FUT9: variants seen among roughly 807,000 people sequenced by gnomAD.
FUT9 encodes fucosyltransferase 9.
FUT9 carries 15 observed loss-of-function variants against 29.7 expected under a neutral mutation model. The observed-to-expected ratio is 0.51, with a 90% CI of 0.34 to 0.78. FUT9 has a LOEUF of 0.78. Ranked by LOEUF, FUT9 falls within the 30% of genes least tolerant of loss-of-function variation. The pLI, the probability that FUT9 is intolerant of heterozygous loss-of-function variation, is 0.01. For synonymous variants in FUT9, 169 were observed against 153.7 expected (o/e 1.10, Z -0.74); for missense variants, 319 against 425.4 (o/e 0.75, Z 2.20).
chr6:96,167,876 C>T (rs1773042243), intron 2 of FUT9, among the ~76,000 whole-genome samples: 1 of 151,996 alleles, frequency 6.6e-6, no homozygotes, highest in South Asian at 2.1e-4. Flanking sequence ...GCCACTGTGG[C>T]CATAAACGAG....
chr6:96,028,842 T>A (rs1337790314), intron 1 of FUT9, among the ~76,000 whole-genome samples: 1 of 151,580 alleles, frequency 6.6e-6, no homozygotes, highest in Admixed American at 6.6e-5. Flanking sequence ...TATGAAGTAA[T>A]CACTTAGAAA....
intron 2 of FUT9, among the ~76,000 whole-genome samples, chr6:96,154,023 CA>C (rs1204294652): frequency 2.6e-5 from 4 of 152,116 alleles, no homozygotes; most frequent in Non-Finnish European, 5.9e-5. Context: ...CTCATTTTAG[CA>C]GTAGTTTTCA....
At chr6:96,122,034 C>T (rs778899958) in intron 2 of FUT9, among the ~76,000 whole-genome samples, 9 of 151,840 alleles carry the variant, frequency 5.9e-5, no homozygotes, top group Non-Finnish European at 1.0e-4. Context: ...GCTGGGTAGC[C>T]AAGAGAATTT....
intron 1 of FUT9, among the ~76,000 whole-genome samples, chr6:96,112,067 T>C (rs1306934158): frequency 6.6e-6 from 1 of 152,202 alleles, no homozygotes; most frequent in Non-Finnish European, 1.5e-5. Flanking sequence ...TGAAAGTAGA[T>C]AGTTAAGCAG....
chr6:96,138,810 A>G (rs933255361), intron 2 of FUT9, among the ~76,000 whole-genome samples: 11 of 152,132 alleles, frequency 7.2e-5, no homozygotes, highest in African/African-American at 2.7e-4. Flanking sequence ...TTTCTGCAGC[A>G]TGTGTTATTT....
At chr6:96,088,633 C>T (rs1360286710) in intron 1 of FUT9, among the ~76,000 whole-genome samples, 7 of 151,864 alleles carry the variant, frequency 4.6e-5, no homozygotes, top group Non-Finnish European at 8.8e-5. Flanking sequence ...ACTAGTCTGT[C>T]TCTGCAGGGT....
Position 96,203,743 on chromosome 6 carries a change from G to T in FUT9, c.588G>T (p.Trp196Cys). 1 of 1,614,008 alleles carries T rather than the reference G, an allele frequency of 6.2e-7. No homozygotes were observed. The highest frequency in any genetic ancestry group is 8.5e-7 in the Non-Finnish European group (1 of 1,180,004). The change falls in exon 3 of 3, where the codon TGG (tryptophan) becomes TGT (cysteine). Residue 196 changes from tryptophan to cysteine, a missense_variant. By Grantham distance (215) the Trp-to-Cys change is radical. Transcript: ENST00000302103. ...EKLVCWVVSNWNPEHARVKYY... is the reference protein window; with the variant it reads ...EKLVCWVVSNCNPEHARVKYY... ...TGGTGTGCTGGGTTGTGAGTAACTG[G>T]AACCCTGAGCATGCCAGAGTCAAGT...
intron 2 of FUT9, among the ~76,000 whole-genome samples, chr6:96,181,161 A>G (rs919854046): frequency 1.3e-5 from 2 of 152,082 alleles, no homozygotes; most frequent in Non-Finnish European, 2.9e-5. Context: ...ATCGTATACA[A>G]TAAACATTAA....
intron 2 of FUT9, among the ~76,000 whole-genome samples, chr6:96,166,297 A>G (rs1773015285): frequency 6.6e-6 from 1 of 152,350 alleles, no homozygotes; most frequent in South Asian, 2.1e-4. Flanking sequence ...CCTGAGAAGC[A>G]TAGTAATGTT....
chr6:96,170,546 T>TCA (rs5878420), intron 2 of FUT9, among the ~76,000 whole-genome samples: 3,904 of 148,754 alleles, frequency 0.026, 139 homozygotes, highest in African/African-American at 0.083. Flanking sequence ...AAAATCCCTT[T>TCA]CACACACACA....
At chr6:96,142,597 C>T (rs536049722) in intron 2 of FUT9, among the ~76,000 whole-genome samples, 2 of 152,196 alleles carry the variant, frequency 1.3e-5, no homozygotes, top group Non-Finnish European at 1.5e-5. Flanking sequence ...GCTGTCTCTT[C>T]ACTCTCTTTT....
rs990528725 is a variant in FUT9 at position 96,209,035 on chromosome 6, C to G, written c.*4800C>G. On this transcript the variant is annotated 3_prime_UTR_variant, in exon 3 of 3. Transcript: ENST00000302103. ...CCATATTCATATGCATTTTATAAAA[C>G]AGTTAACAGAATCTAAATAAGATAT... 1.2e-5 allele frequency: 2 copies of G among 166,582 alleles called. No homozygotes were observed. Among genetic ancestry groups the G allele is most frequent in the Non-Finnish European group, 1.5e-5 (1 of 67,946 alleles). 10.3% of individuals were successfully genotyped at this position (166,582 alleles called of 1,614,324 possible).
At chr6:96,031,470 TACTGGGATA>T (rs1285407549) in intron 1 of FUT9, among the ~76,000 whole-genome samples, 181 of 151,472 alleles carry the variant, frequency 1.2e-3, no homozygotes, top group Non-Finnish European at 1.8e-4. Context: ...AGTAAACATA[TACTGGGATA>T]ACTTACCTTT....
At chr6:96,035,847 T>A (rs189111768) in intron 1 of FUT9, among the ~76,000 whole-genome samples, 16 of 126,820 alleles carry the variant, frequency 1.3e-4, no homozygotes, top group South Asian at 4.5e-4. Flanking sequence ...TAATATAATA[T>A]ATTATGTTTA....
intron 1 of FUT9, among the ~76,000 whole-genome samples, chr6:96,037,759 A>G (rs1487500104): frequency 6.6e-6 from 1 of 152,156 alleles, no homozygotes; most frequent in African/African-American, 2.4e-5. Flanking sequence ...TATAAACAAT[A>G]TCATATTTTC....
At chr6:96,107,915 G>T (rs991878239) in intron 1 of FUT9, among the ~76,000 whole-genome samples, 1 of 150,776 alleles carries the variant, frequency 6.6e-6, no homozygotes, top group African/African-American at 2.4e-5. Context: ...ACCCTTGAAA[G>T]ATTTCAGATA....
chr6:96,184,768 T>C (rs1773374279), intron 2 of FUT9, among the ~76,000 whole-genome samples: 1 of 152,116 alleles, frequency 6.6e-6, no homozygotes, highest in African/African-American at 2.4e-5. Flanking sequence ...GTTTTGAAGG[T>C]TCCTTCTGGA....
chr6:96,182,815 C>A (rs560596153), intron 2 of FUT9, among the ~76,000 whole-genome samples: 2 of 152,126 alleles, frequency 1.3e-5, no homozygotes, highest in African/African-American at 4.8e-5. Flanking sequence ...ATTTTTAAAC[C>A]AGTACCAGGC....
intron 1 of FUT9, among the ~76,000 whole-genome samples, chr6:96,026,160 A>C (rs760364322): frequency 1.1e-4 from 16 of 151,704 alleles, no homozygotes; most frequent in Non-Finnish European, 2.1e-4. Context: ...AGATGTGCAA[A>C]ATGTGAAAGA....
Sources: gnomAD v4.1 joint callset for allele counts (sites outside exome capture counted in the v4.1 genomes callset) on GRCh38, gnomAD v4.1.1 for gene constraint, MANE v1.5 for transcripts, NCBI Gene and HGNC (gene_info 2026-07-23, HGNC 2026-07-21) for gene names.